Variants in SLC22A3 observed in about 807,000 individuals in gnomAD.
SLC22A3 encodes the protein EMT organic cation transporter 3.
Under a neutral mutation model 59.1 loss-of-function variants are expected in SLC22A3, and 51 were observed. The ratio of observed to expected loss-of-function variants is 0.86; its 90% CI spans 0.69 to 1.09. The LOEUF is 1.09. SLC22A3 is among the 50% of genes least tolerant of loss of function. The probability of loss-of-function intolerance (pLI) is 0.00; values close to 1 mark genes in which losing one functional copy is unlikely to be tolerated. For missense variants in SLC22A3, 711 were observed against 726.3 expected, an observed-to-expected ratio of 0.98 and a Z score of 0.24; for synonymous variants, 325 against 292.0, an observed-to-expected ratio of 1.11 and a Z score of -1.15.
Position 160,437,055 on chromosome 6 carries a change from A to G in SLC22A3, c.1132A>G (p.Asn378Asp), listed in dbSNP as rs1326838516. 12 of 1,613,980 alleles carry G rather than the reference A, an allele frequency of 7.4e-6. No individual in the cohort carries two copies. The highest frequency in any genetic ancestry group is 1.0e-5 in the Non-Finnish European group (12 of 1,180,006). Residue 378 changes from asparagine to aspartate, a missense_variant, in exon 7 of 11, where the codon AAC becomes GAC. Transcript: ENST00000275300. ...CATGCGCCTGGGAATTATAGGGGGC[A>G]ACCTCTATATAGACTTTTTCATCTC... Reference protein sequence around the residue: ...LVMRLGIIGGNLYIDFFISGV... With the variant: ...LVMRLGIIGGDLYIDFFISGV...
At chr6:160,370,054 T>C (rs1785345710) in intron 1 of SLC22A3, among the ~76,000 whole-genome samples, 1 of 152,200 alleles carries the variant, frequency 6.6e-6, no homozygotes, top group Admixed American at 6.5e-5. Context: ...TTGGGCTTCC[T>C]CCTAGCATGG....
At chr6:160,410,699 A>G (rs1398744567) in intron 4 of SLC22A3, 30 bp from the exon 5 acceptor site, 1 of 1,398,610 alleles carries the variant, frequency 7.1e-7, no homozygotes, top group Non-Finnish European at 1.0e-6. Flanking sequence ...ATTCCTAGAC[A>G]TAACTCACAA....
At chr6:160,435,843 C>T (rs1466872288) in intron 5 of SLC22A3, among the ~76,000 whole-genome samples, 2 of 152,172 alleles carry the variant, frequency 1.3e-5, no homozygotes, top group Admixed American at 6.5e-5. Flanking sequence ...CTTCTTGTTT[C>T]AGCACTCAGT....
rs1784565587 is a variant in SLC22A3, at chr6:160,348,845, C to T, written c.426C>T (p.Ser142=). ...CCCAGGCCCACTCCACCATCGTCAG[C>T]GAGGTAAGGGCGCCCCGGCCCTTTG... is the stretch of plus-strand genomic sequence containing the variant. ...RYAQAHSTIV[S]EFDLVCVNAW... is the part of the protein sequence containing the mutation. The change falls in exon 1 of 11, where the codon AGC becomes AGT. Residue 142 remains serine (S), a synonymous_variant. Coordinates refer to ENST00000275300, the MANE Select transcript of SLC22A3 (RefSeq NM_021977.4). 1.6e-5 allele frequency: 25 copies of T among 1,583,624 alleles called. No homozygotes were observed. The highest frequency in any genetic ancestry group is 2.1e-5 in the Non-Finnish European group (25 of 1,173,318).
At chr6:160,380,164 A>C (rs1785744160) in intron 1 of SLC22A3, among the ~76,000 whole-genome samples, 1 of 152,162 alleles carries the variant, frequency 6.6e-6, no homozygotes, top group Non-Finnish European at 1.5e-5. Context: ...AAATTATGTT[A>C]CATAATATTT....
At chr6:160,410,443 C>A (rs1661077254) in intron 4 of SLC22A3, among the ~76,000 whole-genome samples, 1 of 152,188 alleles carries the variant, frequency 6.6e-6, no homozygotes, top group African/African-American at 2.4e-5. Flanking sequence ...AATCCCAATT[C>A]TTTTCATATA....
intron 1 of SLC22A3, among the ~76,000 whole-genome samples, chr6:160,369,762 A>G (rs896015832): frequency 6.6e-6 from 1 of 152,216 alleles, no homozygotes; most frequent in Non-Finnish European, 1.5e-5. Flanking sequence ...TCTACTTACT[A>G]TTGTTGTGCG....
In SLC22A3 at chr6:160,437,053, G is replaced by T; in HGVS notation, c.1130G>T (p.Gly377Val). ...GLVMRLGIIG[G>V]NLYIDFFISG... ...GTCATGCGCCTGGGAATTATAGGGG[G>T]CAACCTCTATATAGACTTTTTCATC... The change falls in exon 7 of 11, where the codon GGC becomes GTC. Residue 377 changes from glycine to valine, a missense_variant. Coordinates refer to ENST00000275300, the MANE Select transcript of SLC22A3 (RefSeq NM_021977.4). 6.2e-7 allele frequency: 1 copy of T among 1,614,150 alleles called. No individual in the cohort carries two copies. Among genetic ancestry groups the T allele is most frequent in the Non-Finnish European group, 8.5e-7 (1 of 1,180,020 alleles).
intron 5 of SLC22A3, among the ~76,000 whole-genome samples, chr6:160,419,233 T>C (rs992014584): frequency 3.3e-5 from 5 of 152,352 alleles, no homozygotes; most frequent in East Asian, 1.9e-4. Flanking sequence ...TTTTCTATAA[T>C]TTAATGAGCA....
chr6:160,396,424 A>G (rs1024936118), intron 1 of SLC22A3, among the ~76,000 whole-genome samples: 2 of 152,314 alleles, frequency 1.3e-5, no homozygotes, highest in East Asian at 1.9e-4. Flanking sequence ...AAAAAAGTAA[A>G]AATAATTTGG....
chr6:160,438,414 T>G (rs1232294136), intron 7 of SLC22A3, among the ~76,000 whole-genome samples: 2 of 152,184 alleles, frequency 1.3e-5, no homozygotes, highest in East Asian at 3.9e-4. Context: ...AAGGCTGTCT[T>G]TCTTTGAGAA....
At chr6:160,408,631 C>T in intron 3 of SLC22A3, 122 bp from the exon 4 acceptor site, 1 of 881,122 alleles carries the variant, frequency 1.1e-6, no homozygotes, top group Non-Finnish European at 1.8e-6. Flanking sequence ...GCCTCCGTAT[C>T]TGAGTGCTAG....
intron 1 of SLC22A3, among the ~76,000 whole-genome samples, chr6:160,353,568 A>G (rs1426037350): frequency 6.6e-6 from 1 of 152,186 alleles, no homozygotes; most frequent in Non-Finnish European, 1.5e-5. Flanking sequence ...TCTGAGTACA[A>G]GGAGGAGTCC....
intron 7 of SLC22A3, among the ~76,000 whole-genome samples, 169 bp downstream of exon 7, chr6:160,437,380 T>A (rs1788383327): frequency 6.6e-6 from 1 of 152,210 alleles, no homozygotes. Flanking sequence ...AAGTAAGAGA[T>A]TGGTTCTGTA....
At chr6:160,442,971 AT>A in intron 8 of SLC22A3, 102 bp downstream of exon 8, 2 of 883,806 alleles carry the variant, frequency 2.3e-6, no homozygotes, top group South Asian at 2.8e-5. Flanking sequence ...TAGCTCAGTG[AT>A]ATATTAGCCT....
intron 4 of SLC22A3, among the ~76,000 whole-genome samples, 184 bp downstream of exon 4, chr6:160,409,105 T>A (rs1320252746): frequency 4.5e-5 from 6 of 132,338 alleles, no homozygotes; most frequent in Non-Finnish European, 9.5e-5. Context: ...TGTGCCACGC[T>A]GGTGCGCTGC....
At chr6:160,436,167 G>A (rs1222572125) in intron 5 of SLC22A3, among the ~76,000 whole-genome samples, 1 of 152,192 alleles carries the variant, frequency 6.6e-6, no homozygotes, top group East Asian at 1.9e-4. Context: ...TTAGACTGGA[G>A]GCAGGATGTG....
chr6:160,365,630 C>T (rs980478156), intron 1 of SLC22A3, among the ~76,000 whole-genome samples: 3 of 152,170 alleles, frequency 2.0e-5, no homozygotes, highest in African/African-American at 4.8e-5. Flanking sequence ...GCTAACCTTA[C>T]ACTTGAACAA....
At chr6:160,431,908 C>G (rs1337824785) in intron 5 of SLC22A3, among the ~76,000 whole-genome samples, 1 of 152,142 alleles carries the variant, frequency 6.6e-6, no homozygotes, top group Non-Finnish European at 1.5e-5. Context: ...CAGCAGCATT[C>G]AGGGTTGGCC....
Sources: allele counts gnomAD v4.1 joint callset (sites outside exome capture counted in the v4.1 genomes callset), GRCh38; gene constraint gnomAD v4.1.1; transcripts MANE v1.5; gene names NCBI Gene and HGNC (gene_info 2026-07-23, HGNC 2026-07-21).